THADA: variants seen among roughly 807,000 people sequenced by gnomAD.
THADA encodes THADA armadillo repeat containing, also known as tRNA (32-2'-O)-methyltransferase regulator THADA.
Under a neutral mutation model 219.8 loss-of-function variants are expected in THADA, and 213 were observed. The ratio of observed to expected loss-of-function variants is 0.97; its 90% CI spans 0.87 to 1.09. The LOEUF (loss-of-function observed/expected upper bound fraction) is 1.09, where lower values mean the gene tolerates loss of function less well. Among genes scored for constraint, THADA ranks in the 50% least tolerant of loss-of-function variants. The probability of loss-of-function intolerance (pLI) is 0.00; values close to 1 mark genes in which losing one functional copy is unlikely to be tolerated. For missense variants in THADA, 2,956 were observed against 2,311.3 expected (o/e 1.28, Z -5.72); for synonymous variants, 1,018 against 828.9 (o/e 1.23, Z -3.92).
chr2:43,291,829 C>A, intron 33 of THADA, 61 bp from the exon 34 acceptor site: 1 of 1,423,702 alleles, frequency 7.0e-7, no homozygotes, highest in South Asian at 1.3e-5. Context: ...TTTCATACAC[C>A]GGTTTTTGCA....
At chr2:43,364,291 G>C (rs1460989690) in intron 29 of THADA, among the ~76,000 whole-genome samples, 1 of 152,100 alleles carries the variant, frequency 6.6e-6, no homozygotes, top group East Asian at 1.9e-4. Flanking sequence ...TGACAGACTT[G>C]AAGGGCCAGC....
intron 34 of THADA, among the ~76,000 whole-genome samples, chr2:43,289,983 T>G (rs752115081): frequency 0.031 from 4,541 of 148,430 alleles, 219 homozygotes; most frequent in African/African-American, 0.093. Context: ...TTTGTTTTTT[T>G]TTTTTTTTTT....
chr2:43,578,426 T>C lies in THADA; in HGVS notation c.816+87A>G, dbSNP rs541047170. On this transcript the variant is annotated intron_variant, in intron 9 of 37. Transcript: ENST00000405975. ...CCTCCCAAAGTGTTGGGATTATAAG[T>C]GTGAGCCACTGCACCAAGCCAAAAT... 1.3e-4 allele frequency: 124 copies of C among 926,316 alleles called. 2 individuals are homozygous for C. In the South Asian group the frequency reaches 1.9e-3, roughly 14 times the overall value. 57.4% of individuals were successfully genotyped at this position (926,316 alleles called of 1,614,324 possible). A position where few individuals can be genotyped will look rare whatever the true frequency, so the allele number is the denominator to read the frequency against.
At chr2:43,500,422 A>G (rs988128825) in intron 24 of THADA, among the ~76,000 whole-genome samples, 3 of 152,242 alleles carry the variant, frequency 2.0e-5, no homozygotes, top group Non-Finnish European at 4.4e-5. Context: ...CAAAAGATGC[A>G]TATTTAAAAA....
chr2:43,424,682 C>T (rs1350687174), intron 28 of THADA, among the ~76,000 whole-genome samples: 3 of 152,154 alleles, frequency 2.0e-5, no homozygotes, highest in Middle Eastern at 3.2e-3. Context: ...GTTCACCTCG[C>T]CAGTGAACAT....
intron 31 of THADA, among the ~76,000 whole-genome samples, chr2:43,295,808 C>T (rs1377088312): frequency 2.0e-5 from 3 of 151,732 alleles, no homozygotes; most frequent in African/African-American, 4.8e-5. Flanking sequence ...TGTAACACAT[C>T]AAATTGTTTC....
chr2:43,520,713 TACACACACAC>T (rs145550774), intron 22 of THADA, among the ~76,000 whole-genome samples: 6 of 125,048 alleles, frequency 4.8e-5, no homozygotes, highest in South Asian at 2.8e-4. Flanking sequence ...TATATATATA[TACACACACAC>T]ACACACACAC....
intron 30 of THADA, among the ~76,000 whole-genome samples, chr2:43,327,480 G>A (rs942283473): frequency 7.2e-6 from 1 of 138,836 alleles, no homozygotes; most frequent in Non-Finnish European, 1.6e-5. Context: ...AAGTAAAGAG[G>A]GGGGGTGGTT....
intron 21 of THADA, among the ~76,000 whole-genome samples, chr2:43,536,401 T>G (rs1160643933): frequency 1.3e-5 from 2 of 152,196 alleles, no homozygotes; most frequent in Admixed American, 1.3e-4. Flanking sequence ...CAAAATAATT[T>G]TTAATAACAT....
intron 31 of THADA, among the ~76,000 whole-genome samples, chr2:43,308,777 A>G (rs941422649): frequency 2.7e-5 from 4 of 150,498 alleles, no homozygotes; most frequent in Non-Finnish European, 3.0e-5. Flanking sequence ...AAAAAAAAAA[A>G]AAAAAAAGAA....
intron 29 of THADA, among the ~76,000 whole-genome samples, chr2:43,393,928 C>G (rs536147943): frequency 5.3e-4 from 80 of 152,264 alleles, no homozygotes; most frequent in African/African-American, 1.8e-3. Context: ...GGTGGCCAAG[C>G]TCCTCCTCAA....
At chr2:43,526,446 C>T (rs1452780900) in intron 22 of THADA, among the ~76,000 whole-genome samples, 1 of 152,212 alleles carries the variant, frequency 6.6e-6, no homozygotes, top group Admixed American at 6.5e-5. Flanking sequence ...ATTCTAGCCT[C>T]TGAACATTTA....
At chr2:43,505,856 A>C (rs1689607052) in intron 23 of THADA, 121 bp from the exon 24 acceptor site, 1 of 706,974 alleles carries the variant, frequency 1.4e-6, no homozygotes, top group Non-Finnish European at 2.4e-6. Context: ...TTATCAAAGA[A>C]AGTTAATTAA....
chr2:43,292,831 T>C lies in THADA; in HGVS notation c.4818+3A>G, dbSNP rs537162737. On this transcript the variant is annotated splice_donor_region_variant and intron_variant, in intron 32 of 37. Transcript: ENST00000405975. ...GGGCCAGTCAGTACGTTGGAGACTT[T>C]ACCTTGCAGAAGCATTCTGGGTGAT... 2 of 1,610,728 alleles carry C rather than the reference T, an allele frequency of 1.2e-6. No homozygotes were observed. Among genetic ancestry groups the C allele is most frequent in the Admixed American group, 1.7e-5 (1 of 60,014 alleles).
Position 43,573,004 on chromosome 2 carries a change from A to C in THADA, c.1730-12T>G, listed in dbSNP as rs747457509. 6.2e-7 allele frequency: 1 copy of C among 1,611,672 alleles called. No homozygotes were observed. The highest frequency in any genetic ancestry group is 1.7e-5 in the Admixed American group (1 of 59,480). The stretch of plus-strand genomic sequence containing the variant: ...AGATTGCTCTTGTCCTGAAAGCACA[A>C]TAACAAAGACCATTACTGTATTATG... On this transcript the variant is annotated splice_polypyrimidine_tract_variant and intron_variant, in intron 11 of 37. Coordinates refer to ENST00000405975, the MANE Select transcript of THADA (RefSeq NM_022065.5).
At chr2:43,439,847 T>C (rs1680617223) in intron 26 of THADA, among the ~76,000 whole-genome samples, 2 of 152,212 alleles carry the variant, frequency 1.3e-5, no homozygotes, top group South Asian at 4.1e-4. Flanking sequence ...AAGGTGTTTA[T>C]TGCATTGTTA....
In THADA at chr2:43,286,956, G is replaced by C. The variant is rs1157221089; in HGVS notation, c.5116C>G (p.Leu1706Val). 4.3e-6 allele frequency: 7 copies of C among 1,613,860 alleles called. No individual in the cohort carries two copies. Among genetic ancestry groups the C allele is most frequent in the African/African-American group, 1.3e-5 (1 of 74,906 alleles). The change falls in exon 35 of 38, where the codon CTC becomes GTC. Residue 1706 changes from leucine (L) to valine (V), a missense_variant. Transcript: ENST00000405975. ...TESRLAVVEV[L>V]TSTTPLFLTN... ...AGGAAAAGTGGTGTAGTACTGGTGA[G>C]GACTTCAACGACGGCCAGCCTAGAC...
chr2:43,343,392 A>G (rs892386287), intron 30 of THADA: 1 of 152,180 alleles, frequency 6.6e-6, no homozygotes, highest in African/African-American at 2.4e-5. Context: ...AGTAACACTA[A>G]CACATGCGCC....
At chr2:43,460,604 T>C (rs866122265) in intron 26 of THADA, among the ~76,000 whole-genome samples, 2 of 152,184 alleles carry the variant, frequency 1.3e-5, no homozygotes, top group African/African-American at 2.4e-5. Context: ...TTAAACATTA[T>C]GTTAAGTGCT....
Sources: gnomAD v4.1 joint callset for allele counts (sites outside exome capture counted in the v4.1 genomes callset) on GRCh38, gnomAD v4.1.1 for gene constraint, MANE v1.5 for transcripts, NCBI Gene and HGNC (gene_info 2026-07-23, HGNC 2026-07-21) for gene names.